Variants in GRM7 observed in about 807,000 individuals in gnomAD.
The protein encoded by GRM7 is metabotropic glutamate receptor 7.
A neutral mutation model predicts 84.5 loss-of-function variants in GRM7; 35 were observed. The observed-to-expected ratio is 0.41, with a 90% CI of 0.32 to 0.55. GRM7 has a LOEUF of 0.55. GRM7 is among the 20% of genes least tolerant of loss of function. The pLI, the probability that GRM7 is intolerant of heterozygous loss-of-function variation, is 0.19. For synonymous variants in GRM7, 487 were observed against 455.1 expected (o/e 1.07, Z -0.89); for missense variants, 1,003 against 1,194.6 (o/e 0.84, Z 2.36).
At chr3:7,654,155 T>C (rs1383389907) in intron 8 of GRM7, among the ~76,000 whole-genome samples, 1 of 152,348 alleles carries the variant, frequency 6.6e-6, no homozygotes, top group East Asian at 1.9e-4. Context: ...TAGAGTCTTA[T>C]GGCAAGCCCC....
intron 1 of GRM7, among the ~76,000 whole-genome samples, chr3:7,072,337 A>G (rs959688440): frequency 1.7e-4 from 26 of 152,160 alleles, no homozygotes; most frequent in African/African-American, 6.3e-4. Context: ...TAAATAGTTT[A>G]GTAAGTTATT....
chr3:7,253,406 G>A (rs1028135663), intron 2 of GRM7, among the ~76,000 whole-genome samples: 3 of 151,952 alleles, frequency 2.0e-5, no homozygotes, highest in African/African-American at 7.3e-5. Flanking sequence ...TCTGTGGTCA[G>A]GAGTTGGAGT....
chr3:6,865,771 T>C (rs1327536137), intron 1 of GRM7, among the ~76,000 whole-genome samples: 3 of 152,176 alleles, frequency 2.0e-5, no homozygotes, highest in Non-Finnish European at 4.4e-5. Context: ...TTCTTTTCTC[T>C]CTCTCCATCG....
At chr3:7,306,389 T>C in intron 3 of GRM7, 109 bp from the exon 4 acceptor site, 1 of 879,022 alleles carries the variant, frequency 1.1e-6, no homozygotes, top group South Asian at 1.6e-5. Context: ...TTTGCAATTA[T>C]TTACTTTTTG....
At chr3:7,270,686 C>T (rs576484457) in intron 2 of GRM7, among the ~76,000 whole-genome samples, 4 of 152,164 alleles carry the variant, frequency 2.6e-5, no homozygotes, top group South Asian at 2.1e-4. Context: ...TACGGATGCT[C>T]GCCACTTGCA....
At chr3:7,736,770 T>C (rs145461228) in intron 9 of GRM7, among the ~76,000 whole-genome samples, 1 of 152,304 alleles carries the variant, frequency 6.6e-6, no homozygotes, top group East Asian at 1.9e-4. Context: ...TCAGGGCTTA[T>C]ATAATATTTT....
intron 2 of GRM7, among the ~76,000 whole-genome samples, chr3:7,162,224 T>C (rs1049466706): frequency 6.6e-6 from 1 of 152,060 alleles, no homozygotes; most frequent in African/African-American, 2.4e-5. Context: ...AGACCTAAAT[T>C]TGAGATCTGT....
At chr3:7,207,460 T>C (rs1486145541) in intron 2 of GRM7, among the ~76,000 whole-genome samples, 2 of 152,182 alleles carry the variant, frequency 1.3e-5, no homozygotes, top group Non-Finnish European at 2.9e-5. Flanking sequence ...ACAGGCTGAC[T>C]CTTCCTATTC....
chr3:6,967,171 C>A (rs1693554013), intron 1 of GRM7, among the ~76,000 whole-genome samples: 1 of 152,024 alleles, frequency 6.6e-6, no homozygotes, highest in Non-Finnish European at 1.5e-5. Flanking sequence ...CTTAATAAGA[C>A]TTCCTTTTTT....
At chr3:7,030,783 A>T (rs1346185189) in intron 1 of GRM7, among the ~76,000 whole-genome samples, 1 of 152,238 alleles carries the variant, frequency 6.6e-6, no homozygotes, top group Non-Finnish European at 1.5e-5. Context: ...AAAATTATAT[A>T]GTATAACTTG....
intron 7 of GRM7, among the ~76,000 whole-genome samples, chr3:7,564,191 A>C (rs1316790823): frequency 6.6e-6 from 1 of 152,228 alleles, no homozygotes; most frequent in Non-Finnish European, 1.5e-5. Flanking sequence ...CAAGGTAAAG[A>C]GTTAAAGATG....
chr3:7,329,825 T>C (rs1701130685), intron 4 of GRM7, among the ~76,000 whole-genome samples: 1 of 152,168 alleles, frequency 6.6e-6, no homozygotes, highest in Non-Finnish European at 1.5e-5. Context: ...TAGATATGCA[T>C]AACATATATG....
At chr3:7,289,432 T>C (rs1261159320) in intron 2 of GRM7, among the ~76,000 whole-genome samples, 1 of 152,168 alleles carries the variant, frequency 6.6e-6, no homozygotes, top group East Asian at 1.9e-4. Flanking sequence ...GGTTCAACCA[T>C]TGTGGAAAAC....
At chr3:7,476,042 A>G (rs529278964) in intron 7 of GRM7, among the ~76,000 whole-genome samples, 103 of 152,342 alleles carry the variant, frequency 6.8e-4, no homozygotes, top group African/African-American at 2.5e-3. Context: ...TCACACGTGT[A>G]GACTGACACT....
intron 1 of GRM7, among the ~76,000 whole-genome samples, chr3:7,130,857 A>G (rs556640157): frequency 2.6e-5 from 4 of 152,180 alleles, no homozygotes; most frequent in Non-Finnish European, 5.9e-5. Context: ...TATTTCCAAC[A>G]GTGTGCAATG....
At chr3:7,528,352 G>C (rs1320772622) in intron 7 of GRM7, among the ~76,000 whole-genome samples, 1 of 151,972 alleles carries the variant, frequency 6.6e-6, no homozygotes, top group South Asian at 2.1e-4. Flanking sequence ...TTGTATTTCT[G>C]TGGAATTGGT....
At chr3:7,066,651 G>A (rs1697677341) in intron 1 of GRM7, among the ~76,000 whole-genome samples, 1 of 151,774 alleles carries the variant, frequency 6.6e-6, no homozygotes, top group African/African-American at 2.4e-5. Context: ...GAGAAAGAAG[G>A]AACTCTCCCT....
intron 8 of GRM7, among the ~76,000 whole-genome samples, chr3:7,637,051 C>T (rs145109501): frequency 0.012 from 1,758 of 152,156 alleles, 45 homozygotes; most frequent in African/African-American, 0.041. Flanking sequence ...AAATTTTTGC[C>T]CCATTTTTTA....
intron 5 of GRM7, among the ~76,000 whole-genome samples, chr3:7,446,018 T>C (rs2124879699): frequency 6.6e-6 from 1 of 152,284 alleles, no homozygotes; most frequent in South Asian, 2.1e-4. Flanking sequence ...GCTCTTGTAA[T>C]ACATTCATTT....
Sources: allele counts gnomAD v4.1 joint callset (sites outside exome capture counted in the v4.1 genomes callset), GRCh38; gene constraint gnomAD v4.1.1; transcripts MANE v1.5; gene names NCBI Gene and HGNC (gene_info 2026-07-23, HGNC 2026-07-21).